Variants in ADAM19 observed in about 807,000 individuals in gnomAD.
ADAM19 encodes the protein disintegrin and metalloproteinase domain-containing protein 19.
ADAM19 carries 65 observed loss-of-function variants against 114.7 expected under a neutral mutation model. The observed-to-expected ratio is 0.57, with a 90% CI of 0.46 to 0.70. The LOEUF (loss-of-function observed/expected upper bound fraction) is 0.70, where lower values mean the gene tolerates loss of function less well. Ranked by LOEUF, ADAM19 falls within the 30% of genes least tolerant of loss-of-function variation. ADAM19 has a pLI of 0.00. For missense variants in ADAM19, 1,063 were observed against 1,204.7 expected (o/e 0.88, Z 1.74); for synonymous variants, 466 against 460.5 (o/e 1.01, Z -0.15).
intron 18 of ADAM19, among the ~76,000 whole-genome samples, chr5:157,491,116 T>C (rs990680603): frequency 2.6e-5 from 4 of 152,018 alleles, no homozygotes; most frequent in Non-Finnish European, 5.9e-5. Flanking sequence ...GCTTTTTTTT[T>C]AAAGTTATTT....
In ADAM19 at chr5:157,528,865, T is replaced by C. The variant is rs144431956; in HGVS notation, c.407+1942A>G. Among the ~76,000 whole-genome samples the C allele has an allele frequency of 8.0e-3, 1,213 of 152,342 alleles. 18 individuals carry two copies. Among genetic ancestry groups the C allele is most frequent in the African/African-American group, 0.027 (1,124 of 41,576 alleles). ...GAAACTGAGGGCTCCAAAATTACAGTGCTGGTTTTCCCTCCACCTGTGTAG... is the reference window on the plus strand; with the variant it reads ...GAAACTGAGGGCTCCAAAATTACAGCGCTGGTTTTCCCTCCACCTGTGTAG... On this transcript the variant is annotated intron_variant, in intron 5 of 22. Coordinates refer to ENST00000257527, the MANE Select transcript of ADAM19 (RefSeq NM_033274.5).
At chr5:157,550,145 T>C (rs1757150232) in intron 3 of ADAM19, among the ~76,000 whole-genome samples, 1 of 152,170 alleles carries the variant, frequency 6.6e-6, no homozygotes, top group African/African-American at 2.4e-5. Context: ...TAACAAAGTA[T>C]CACAAACCAA....
intron 15 of ADAM19, among the ~76,000 whole-genome samples, chr5:157,493,740 A>G (rs1561844507): frequency 1.3e-5 from 2 of 152,158 alleles, no homozygotes; most frequent in African/African-American, 4.8e-5. Flanking sequence ...TCCCCTAGCC[A>G]TGCATTTGAG....
intron 21 of ADAM19, among the ~76,000 whole-genome samples, chr5:157,485,231 AC>A (rs1754896307): frequency 6.6e-6 from 1 of 152,160 alleles, no homozygotes; most frequent in African/African-American, 2.4e-5. Flanking sequence ...CTTCAGGACA[AC>A]CTTTAAATCT....
chr5:157,537,445 A>G (rs968920855), intron 4 of ADAM19, among the ~76,000 whole-genome samples: 1 of 152,274 alleles, frequency 6.6e-6, no homozygotes, highest in Non-Finnish European at 1.5e-5. Context: ...TAAAATATTC[A>G]TAACTTAAAA....
At chr5:157,497,539 T>C (rs1417758287) in intron 13 of ADAM19, among the ~76,000 whole-genome samples, 2 of 151,168 alleles carry the variant, frequency 1.3e-5, no homozygotes, top group Admixed American at 6.6e-5. Context: ...CAAAGACTCA[T>C]AGTAAGTGGC....
At chr5:157,486,104 T>C (rs1754923306) in intron 21 of ADAM19, among the ~76,000 whole-genome samples, 1 of 152,218 alleles carries the variant, frequency 6.6e-6, no homozygotes, top group Non-Finnish European at 1.5e-5. Context: ...GAATCTTTGA[T>C]GGCAGACTGG....
intron 1 of ADAM19, chr5:157,572,305 G>T (rs1447877405): frequency 2.2e-6 from 1 of 455,914 alleles, no homozygotes; most frequent in Non-Finnish European, 4.4e-6. Context: ...GCAAGAAAGA[G>T]AATTTAAACT....
At chr5:157,571,912 G>C (rs923374621) in intron 1 of ADAM19, among the ~76,000 whole-genome samples, 3 of 152,162 alleles carry the variant, frequency 2.0e-5, no homozygotes, top group Non-Finnish European at 4.4e-5. Context: ...ATTGTGAAGA[G>C]TCAATATGAA....
At chr5:157,520,372 G>A (rs1044424179) in intron 5 of ADAM19, among the ~76,000 whole-genome samples, 1 of 149,564 alleles carries the variant, frequency 6.7e-6, no homozygotes, top group Non-Finnish European at 1.5e-5. Context: ...TAAGAAGGCT[G>A]TACCTGTGAC....
intron 7 of ADAM19, among the ~76,000 whole-genome samples, chr5:157,515,796 T>C (rs1313265563): frequency 6.6e-6 from 1 of 152,180 alleles, no homozygotes; most frequent in Non-Finnish European, 1.5e-5. Flanking sequence ...TGTTTACAGT[T>C]ATCCTGTCTA....
At position 157,564,413 on chromosome 5, in the gene ADAM19, C is replaced by T. The variant is rs1581358581; in HGVS notation, c.211G>A (p.Ala71Thr). 6.2e-7 allele frequency: 1 copy of T among 1,614,202 alleles called. No individual in the cohort carries two copies. Among genetic ancestry groups the T allele is most frequent in the Non-Finnish European group, 8.5e-7 (1 of 1,180,032 alleles). ...TCCAGGATCAGTTCTCGCCCCTCAG[C>T]CATTACCCTGAGCTCAGCTTTGAGT... ...HPLKAELRVM[A>T]EGRELILDLE... The change falls in exon 3 of 23, where the codon GCT becomes ACT. Residue 71 changes from alanine (A) to threonine (T), a missense_variant. Ala to Thr is a moderately conservative substitution (Grantham distance 58). Around this residue, in one of 3 missense-constraint regions of ADAM19, gnomAD observed 615 missense variants for 706.3 expected, o/e 0.87. Transcript: ENST00000257527.
chr5:157,538,060 G>C (rs1561548199), intron 3 of ADAM19, 69 bp from the exon 4 acceptor site: 17 of 1,283,980 alleles, frequency 1.3e-5, no homozygotes, highest in Non-Finnish European at 1.9e-5. Flanking sequence ...AACAACGAGT[G>C]ATTTTAACTG....
chr5:157,518,815 C>T lies in ADAM19; in HGVS notation c.666+8G>A, dbSNP rs768504456. On this transcript the variant is annotated splice_region_variant and intron_variant, in intron 7 of 22. Transcript: ENST00000257527. ...GTTTTTCTGCAAGACCCATTGCCTC[C>T]CCCTTACCTCTAAATAATCAGCCAC... is the stretch of plus-strand genomic sequence containing the variant. The T allele has an allele frequency of 1.9e-6, 3 of 1,611,616 alleles. No homozygotes were observed. The highest frequency in any genetic ancestry group is 1.7e-5 in the Admixed American group (1 of 59,994).
chr5:157,526,658 T>A (rs1467608275), intron 5 of ADAM19, among the ~76,000 whole-genome samples: 2 of 151,732 alleles, frequency 1.3e-5, no homozygotes, highest in African/African-American at 4.8e-5. Flanking sequence ...TCTTGCTTTG[T>A]CGCCCAAGCT....
intron 7 of ADAM19, among the ~76,000 whole-genome samples, chr5:157,514,761 T>C (rs2113733803): frequency 6.6e-6 from 1 of 152,312 alleles, no homozygotes; most frequent in East Asian, 1.9e-4. Context: ...AAGATAGATC[T>C]CTCTGAGCTG....
intron 3 of ADAM19, among the ~76,000 whole-genome samples, chr5:157,541,191 C>G (rs1481298167): frequency 6.6e-6 from 1 of 152,170 alleles, no homozygotes; most frequent in African/African-American, 2.4e-5. Flanking sequence ...CTGACCACAT[C>G]TTGTTCTCAT....
chr5:157,539,234 C>T (rs1262283693), intron 3 of ADAM19, among the ~76,000 whole-genome samples: 1 of 151,350 alleles, frequency 6.6e-6, no homozygotes, highest in Non-Finnish European at 1.5e-5. Context: ...AAGATGTTTA[C>T]AATATAAGTT....
intron 10 of ADAM19, among the ~76,000 whole-genome samples, chr5:157,506,186 G>C (rs1320927458): frequency 1.3e-5 from 2 of 152,182 alleles, no homozygotes; most frequent in African/African-American, 4.8e-5. Flanking sequence ...TTCAAACATA[G>C]GGTGTACTTG....
Sources: gnomAD v4.1 joint callset for allele counts (sites outside exome capture counted in the v4.1 genomes callset) on GRCh38, gnomAD v4.1.1 for gene constraint, gnomAD v4.1.1 regional missense constraint, MANE v1.5 for transcripts, NCBI Gene and HGNC (gene_info 2026-07-23, HGNC 2026-07-21) for gene names.